NEK10: variants seen among roughly 807,000 people sequenced by gnomAD.
The protein encoded by NEK10 is NIMA related kinase 10, also known as serine/threonine-protein kinase Nek10.
NEK10 carries 122 observed loss-of-function variants against 159.8 expected under a neutral mutation model. That is an observed-to-expected ratio of 0.76 (90% CI 0.66 to 0.89). The LOEUF is 0.89. NEK10 is among the 40% of genes least tolerant of loss of function. The probability of loss-of-function intolerance (pLI) is 0.00; values close to 1 mark genes in which losing one functional copy is unlikely to be tolerated. For missense variants in NEK10, 1,342 were observed against 1,323.1 expected (o/e 1.01, Z -0.22); for synonymous variants, 466 against 457.1 (o/e 1.02, Z -0.25).
intron 26 of NEK10, among the ~76,000 whole-genome samples, chr3:27,179,361 C>T (rs192015866): frequency 6.6e-6 from 1 of 152,050 alleles, no homozygotes; most frequent in African/African-American, 2.4e-5. Context: ...TTAATTAGAA[C>T]GTCTTAAAAG....
chr3:27,257,938 G>A (rs964948291), intron 22 of NEK10, among the ~76,000 whole-genome samples: 4 of 151,868 alleles, frequency 2.6e-5, no homozygotes, highest in Non-Finnish European at 5.9e-5. Context: ...ACAGGAGCCC[G>A]CCAGCACGTC....
intron 35 of NEK10, among the ~76,000 whole-genome samples, chr3:27,112,704 C>T (rs111412544): frequency 0.012 from 1,843 of 152,286 alleles, 36 homozygotes; most frequent in African/African-American, 0.042. Context: ...TAGGTGTCAA[C>T]ATTCTCCAAA....
intron 23 of NEK10, among the ~76,000 whole-genome samples, chr3:27,233,970 C>G (rs1315064268): frequency 1.3e-5 from 2 of 151,698 alleles, no homozygotes; most frequent in African/African-American, 4.8e-5. Flanking sequence ...TCAACATACG[C>G]AAATCAATAA....
intron 5 of NEK10, among the ~76,000 whole-genome samples, chr3:27,322,488 T>C (rs1418655665): frequency 6.6e-6 from 1 of 152,184 alleles, no homozygotes; most frequent in Admixed American, 6.5e-5. Flanking sequence ...ATTTGGTTCA[T>C]GCCACCACCC....
chr3:27,118,209 G>C (rs1940762505), intron 33 of NEK10, among the ~76,000 whole-genome samples: 1 of 152,154 alleles, frequency 6.6e-6, no homozygotes. Flanking sequence ...ATGCTGTTTT[G>C]GTTACTAAAG....
intron 23 of NEK10, among the ~76,000 whole-genome samples, chr3:27,204,275 C>CTTTTTTTTTTTTTTTTTTTGTTTTTTTTT (rs1950297124): frequency 1.6e-5 from 1 of 64,006 alleles, no homozygotes; most frequent in Non-Finnish European, 3.1e-5. Context: ...GATAAATTTT[C>CTTTTTTTTTTTTTTTTTTTGTTTTTTTTT]TTTTTTTTTT....
intron 23 of NEK10, among the ~76,000 whole-genome samples, chr3:27,255,734 A>G (rs965605042): frequency 6.6e-6 from 1 of 152,154 alleles, no homozygotes; most frequent in African/African-American, 2.4e-5. Flanking sequence ...ATCAAAATAT[A>G]AACACTCATT....
At chr3:27,239,504 A>C (rs1411150415) in intron 23 of NEK10, among the ~76,000 whole-genome samples, 1 of 152,216 alleles carries the variant, frequency 6.6e-6, no homozygotes, top group Admixed American at 6.5e-5. Flanking sequence ...TTGCTTCATC[A>C]GTCCTGAAGT....
At chr3:27,116,200 T>G in intron 33 of NEK10, 73 bp from the exon 34 acceptor site, 1 of 1,368,148 alleles carries the variant, frequency 7.3e-7, no homozygotes, top group Non-Finnish European at 1.0e-6. Flanking sequence ...CTGGCAATTA[T>G]GACTTCAACC....
At position 27,299,953 on chromosome 3, in the gene NEK10, T is replaced by C. The variant is rs1408835600; in HGVS notation, c.1168+1743A>G. On this transcript the variant is annotated intron_variant, in intron 13 of 35. Transcript: ENST00000691995. ...TACAGGCTCACAGGCAAAAGGGACT[T>C]GCCTTGTCTCAGATGAGATGTTGGA... Among the ~76,000 whole-genome samples the C allele has an allele frequency of 2.6e-5, 4 of 152,210 alleles. No homozygotes were observed. In the East Asian group the frequency reaches 7.7e-4, roughly 29 times the overall value.
intron 23 of NEK10, among the ~76,000 whole-genome samples, chr3:27,225,012 T>C (rs1559643453): frequency 6.6e-6 from 1 of 152,202 alleles, no homozygotes; most frequent in East Asian, 1.9e-4. Context: ...ATGGAATCGA[T>C]ATGTATATAA....
At chr3:27,356,289 T>C (rs1174054994) in intron 1 of NEK10, among the ~76,000 whole-genome samples, 1 of 152,054 alleles carries the variant, frequency 6.6e-6, no homozygotes, top group Non-Finnish European at 1.5e-5. Flanking sequence ...AGTGGGAGGA[T>C]CACTTGAAGG....
intron 23 of NEK10, among the ~76,000 whole-genome samples, chr3:27,214,339 T>C (rs1387803993): frequency 6.6e-6 from 1 of 152,090 alleles, no homozygotes; most frequent in Non-Finnish European, 1.5e-5. Flanking sequence ...TCAGAACAAA[T>C]CTCTTCAAGT....
intron 30 of NEK10, 32 bp downstream of exon 30, chr3:27,162,669 G>T: frequency 3.1e-6 from 5 of 1,614,062 alleles, no homozygotes; most frequent in African/African-American, 1.3e-5. Context: ...AGAGAGTTGT[G>T]TTTGATTTTA....
chr3:27,136,288 A>G (rs925452255), intron 31 of NEK10, among the ~76,000 whole-genome samples: 1 of 150,378 alleles, frequency 6.6e-6, no homozygotes, highest in Non-Finnish European at 1.5e-5. Flanking sequence ...AATTTTTTCT[A>G]TTTTTAGTAG....
At position 27,352,343 on chromosome 3, in the gene NEK10, C is replaced by T. The variant is rs568517755; in HGVS notation, c.132+122G>A. 251 of 708,478 alleles carry T rather than the reference C, an allele frequency of 3.5e-4. 1 individual carries two copies. Among genetic ancestry groups the T allele is most frequent in the Middle Eastern group, 5.6e-4 (2 of 3,560 alleles). The allele number at this position is 708,478 out of a possible 1,614,324, so 43.9% of individuals were successfully genotyped here. On this transcript the variant is annotated intron_variant, in intron 3 of 35. Transcript: ENST00000691995. The stretch of plus-strand genomic sequence containing the variant: ...GAGAAACAGCCAGATGAAGAAAGAG[C>T]AAAGATGTGAATAATGAGCAAAGAA...
intron 23 of NEK10, among the ~76,000 whole-genome samples, chr3:27,220,982 A>G (rs1952044438): frequency 6.6e-6 from 1 of 152,226 alleles, no homozygotes; most frequent in Non-Finnish European, 1.5e-5. Context: ...AAAAGGATGA[A>G]GTTGGAACCT....
At chr3:27,305,870 T>C (rs1237304027) in intron 11 of NEK10, among the ~76,000 whole-genome samples, 1 of 152,136 alleles carries the variant, frequency 6.6e-6, no homozygotes, top group African/African-American at 2.4e-5. Flanking sequence ...TCCAGTTTCA[T>C]ACTCTAAACA....
In NEK10 at chr3:27,290,644, A is replaced by C; in HGVS notation, c.1716T>G (p.Val572=). 1 of 1,598,550 alleles carries C rather than the reference A, an allele frequency of 6.3e-7. No homozygotes were observed. The highest frequency in any genetic ancestry group is 1.1e-5 in the South Asian group (1 of 87,656). Reference sequence around the variant, plus strand: ...GCTCTTTAATTATTGTTAATTCAGAAACAATATTCCTTACGCTGCTGTCTC... The same window carrying C: ...GCTCTTTAATTATTGTTAATTCAGACACAATATTCCTTACGCTGCTGTCTC... ...KDRDSSVRNI[V]SELTIIKEQL... Residue 572 remains valine (V), a synonymous_variant, in exon 19 of 36, where the codon GTT becomes GTG. Transcript: ENST00000691995.
Sources: allele counts gnomAD v4.1 joint callset (sites outside exome capture counted in the v4.1 genomes callset), GRCh38; gene constraint gnomAD v4.1.1; transcripts MANE v1.5; gene names NCBI Gene and HGNC (gene_info 2026-07-23, HGNC 2026-07-21).